PELI2: variants seen among roughly 807,000 people sequenced by gnomAD.
PELI2 encodes the protein E3 ubiquitin-protein ligase pellino homolog 2.
A neutral mutation model predicts 42.3 loss-of-function variants in PELI2; 23 were observed. The ratio of observed to expected loss-of-function variants is 0.54; its 90% CI spans 0.39 to 0.77. The LOEUF is 0.77. Among genes scored for constraint, PELI2 ranks in the 30% least tolerant of loss-of-function variants. PELI2 has a pLI of 0.00. For missense variants in PELI2, 463 were observed against 553.2 expected, an observed-to-expected ratio of 0.84 and a Z score of 1.64; for synonymous variants, 245 against 212.2, an observed-to-expected ratio of 1.15 and a Z score of -1.34.
rs1890045711 is a variant in PELI2, at chr14:56,297,394, A to G, written c.*228A>G. ...TCATTGAAGTCTGCTTGATTAAACC[A>G]TAATATCTTTGTAATAATTGGATTT... On this transcript the variant is annotated 3_prime_UTR_variant, in exon 6 of 6. Coordinates refer to ENST00000267460, the MANE Select transcript of PELI2 (RefSeq NM_021255.3). 2 of 440,608 alleles carry G rather than the reference A, an allele frequency of 4.5e-6. No individual in the cohort carries two copies. The highest frequency in any genetic ancestry group is 8.0e-6 in the Non-Finnish European group (2 of 249,042). 27.3% of individuals were successfully genotyped at this position (440,608 alleles called of 1,614,324 possible).
At chr14:56,191,110 T>A (rs904821689) in intron 2 of PELI2, among the ~76,000 whole-genome samples, 1 of 152,192 alleles carries the variant, frequency 6.6e-6, no homozygotes, top group Admixed American at 6.5e-5. Flanking sequence ...CTACCTTGCA[T>A]TGGACTTGGT....
At chr14:56,144,620 C>T (rs1009849226) in intron 1 of PELI2, among the ~76,000 whole-genome samples, 79 of 152,038 alleles carry the variant, frequency 5.2e-4, no homozygotes, top group Non-Finnish European at 1.6e-4. Flanking sequence ...GGCCATCACA[C>T]CTAATATATG....
At chr14:56,147,239 A>G (rs894928359) in intron 1 of PELI2, among the ~76,000 whole-genome samples, 3 of 152,192 alleles carry the variant, frequency 2.0e-5, no homozygotes, top group East Asian at 1.9e-4. Flanking sequence ...AGTTTTGGCT[A>G]TTATGAATGA....
intron 1 of PELI2, among the ~76,000 whole-genome samples, chr14:56,127,133 T>G (rs1033926108): frequency 6.6e-6 from 1 of 152,200 alleles, no homozygotes; most frequent in Non-Finnish European, 1.5e-5. Context: ...CTTTTTGCAT[T>G]TGTTAATCTC....
In PELI2 at chr14:56,297,267, G is replaced by A; in HGVS notation, c.*101G>A. On this transcript the variant is annotated 3_prime_UTR_variant, in exon 6 of 6. Coordinates refer to ENST00000267460, the MANE Select transcript of PELI2 (RefSeq NM_021255.3). ...TTTGTAATGCTGTTTATCAGAGGAG[G>A]GTGACAGGGGCTGGAAATAAAGAGA... 1 of 744,372 alleles carries A rather than the reference G, an allele frequency of 1.3e-6. No homozygotes were observed. The highest frequency in any genetic ancestry group is 2.2e-6 in the Non-Finnish European group (1 of 455,336). The allele number at this position is 744,372 out of a possible 1,614,324, so 46.1% of individuals were successfully genotyped here. A position where few individuals can be genotyped will look rare whatever the true frequency, so the allele number is the denominator to read the frequency against.
intron 1 of PELI2, among the ~76,000 whole-genome samples, chr14:56,171,333 T>C (rs1430797515): frequency 6.6e-6 from 1 of 152,168 alleles, no homozygotes; most frequent in Non-Finnish European, 1.5e-5. Flanking sequence ...GTACACATGC[T>C]CTCTTACCCT....
chr14:56,271,195 TCAG>T lies in PELI2; in HGVS notation c.208-8477_208-8475del, dbSNP rs1401785272. Among the ~76,000 whole-genome samples the T allele has an allele frequency of 4.6e-5, 7 of 152,270 alleles. No homozygotes were observed. In the East Asian group the frequency reaches 1.2e-3, roughly 25 times the overall value. On this transcript the variant is annotated intron_variant, in intron 2 of 5. Transcript: ENST00000267460. The stretch of plus-strand genomic sequence containing the variant: ...ACAGTGCTCGAGATGGTAAAATCAT[TCAG>T]CAGTTATTTCCAGGCTGCCGCACGC...
intron 2 of PELI2, among the ~76,000 whole-genome samples, chr14:56,272,865 C>T (rs905302871): frequency 2.0e-5 from 3 of 152,170 alleles, no homozygotes; most frequent in Non-Finnish European, 2.9e-5. Context: ...ACACCTGTTC[C>T]GTTCTCTTGG....
At chr14:56,146,349 G>T (rs548183304) in intron 1 of PELI2, among the ~76,000 whole-genome samples, 176 of 152,274 alleles carry the variant, frequency 1.2e-3, no homozygotes, top group Middle Eastern at 6.8e-3. Flanking sequence ...TGAGAAAGAA[G>T]ATTTAAAAAT....
chr14:56,234,203 A>G (rs1304152338), intron 2 of PELI2, among the ~76,000 whole-genome samples: 1 of 152,202 alleles, frequency 6.6e-6, no homozygotes. Flanking sequence ...CCATTCCTCA[A>G]GGATCTAGAA....
chr14:56,207,557 T>C (rs761357579), intron 2 of PELI2, among the ~76,000 whole-genome samples: 2 of 152,166 alleles, frequency 1.3e-5, no homozygotes, highest in Admixed American at 6.5e-5. Flanking sequence ...TTTAGCAAAT[T>C]GTATTTACAT....
intron 2 of PELI2, among the ~76,000 whole-genome samples, chr14:56,199,827 C>T (rs1162661624): frequency 1.3e-5 from 2 of 152,222 alleles, no homozygotes; most frequent in African/African-American, 4.8e-5. Context: ...TTTAATTAAG[C>T]TGTACTGCAA....
Position 56,254,626 on chromosome 14 carries a change from C to T in PELI2, c.208-25050C>T, listed in dbSNP as rs577376801. On this transcript the variant is annotated intron_variant, in intron 2 of 5. Transcript: ENST00000267460. ...ACAACAAAAGCAATGGCAACAAAAG[C>T]CAAAATTGACAAATGGGATCTAAGT... Among the ~76,000 whole-genome samples the T allele has an allele frequency of 1.0e-3, 157 of 152,140 alleles. 2 individuals carry two copies. In the Middle Eastern group the frequency reaches 0.027, roughly 27 times the overall value.
Position 56,203,767 on chromosome 14 carries a change from G to A in PELI2, c.207+25303G>A, listed in dbSNP as rs61661070. Among the ~76,000 whole-genome samples, 41 of 152,242 alleles carry A rather than the reference G, an allele frequency of 2.7e-4. No individual in the cohort carries two copies. In the East Asian group the frequency reaches 7.6e-3, roughly 28 times the overall value. Reference sequence around the variant, plus strand: ...ACTCTGCAGCCCAATACAAGTACAAGTAATTAGGGCTGTTGTTTTGGAAAG... The same window carrying A: ...ACTCTGCAGCCCAATACAAGTACAAATAATTAGGGCTGTTGTTTTGGAAAG... On this transcript the variant is annotated intron_variant, in intron 2 of 5. Transcript: ENST00000267460.
chr14:56,289,285 C>G (rs367872835), intron 4 of PELI2, among the ~76,000 whole-genome samples: 1 of 152,146 alleles, frequency 6.6e-6, no homozygotes, highest in Admixed American at 6.5e-5. Context: ...TCTGTGACAT[C>G]CAGTGCACTG....
In PELI2 at chr14:56,297,469, T is replaced by G. The variant is rs1890048348; in HGVS notation, c.*303T>G. The G allele has an allele frequency of 3.4e-6, 1 of 290,278 alleles. No individual in the cohort carries two copies. Among genetic ancestry groups the G allele is most frequent in the Non-Finnish European group, 6.4e-6 (1 of 155,442 alleles). 18.0% of individuals were successfully genotyped at this position (290,278 alleles called of 1,614,324 possible). A position where few individuals can be genotyped will look rare whatever the true frequency, so the allele number is the denominator to read the frequency against. On this transcript the variant is annotated 3_prime_UTR_variant, in exon 6 of 6. Transcript: ENST00000267460. ...CCTTGGGTTTTTAACCAAGTTTTTT[T>G]TTTTTTGTAATCTTGGACAAGACTT...
chr14:56,151,911 C>T (rs1247540169), intron 1 of PELI2, among the ~76,000 whole-genome samples: 1 of 152,142 alleles, frequency 6.6e-6, no homozygotes, highest in Non-Finnish European at 1.5e-5. Context: ...TAGATGTTTC[C>T]TTTCTCATCA....
intron 3 of PELI2, among the ~76,000 whole-genome samples, chr14:56,284,469 T>C (rs368451170): frequency 1.2e-4 from 19 of 152,268 alleles, no homozygotes; most frequent in African/African-American, 4.3e-4. Flanking sequence ...GGGCCCTTTC[T>C]CTCAGATTTC....
chr14:56,208,229 G>A lies in PELI2; in HGVS notation c.207+29765G>A, dbSNP rs1369157297. 5.9e-5 allele frequency among the ~76,000 whole-genome samples: 9 copies of A among 152,306 alleles called. No individual in the cohort carries two copies. The East Asian group carries it at 1.7e-3, about 29-fold the overall frequency. On this transcript the variant is annotated intron_variant, in intron 2 of 5. Coordinates refer to ENST00000267460, the MANE Select transcript of PELI2 (RefSeq NM_021255.3). ...GCTCCTACTAAAGTCATTGACCATAGCATGCAGGTGCTATGGAAGTGCCCA... is the reference window on the plus strand; with the variant it reads ...GCTCCTACTAAAGTCATTGACCATAACATGCAGGTGCTATGGAAGTGCCCA...
Sources: allele counts gnomAD v4.1 joint callset (sites outside exome capture counted in the v4.1 genomes callset), GRCh38; gene constraint gnomAD v4.1.1; transcripts MANE v1.5; gene names NCBI Gene and HGNC (gene_info 2026-07-23, HGNC 2026-07-21).